The following PLK5 variants were observed in gnomAD, a reference collection of about 807,000 sequenced individuals.
PLK5 encodes the protein inactive serine/threonine-protein kinase PLK5.
In PLK5, 28 loss-of-function variants were observed where a neutral mutation model predicts 33.7. The ratio of observed to expected loss-of-function variants is 0.83; its 90% CI spans 0.62 to 1.14. PLK5 has a LOEUF of 1.14. PLK5 is among the 50% of genes most tolerant of loss of function. The pLI, the probability that PLK5 is intolerant of heterozygous loss-of-function variation, is 0.00. For synonymous variants in PLK5, 225 were observed against 202.2 expected (o/e 1.11, Z -0.96); for missense variants, 492 against 461.5 (o/e 1.07, Z -0.61).
chr19:1,528,883 T>C lies in PLK5; in HGVS notation c.329-15T>C, dbSNP rs1194622669. ...CCCAGGCTGTGCCCCCTCCAAGGCCTTGTGCCTCCCTCAGGCCCCTTCACG... is the reference window on the plus strand; with the variant it reads ...CCCAGGCTGTGCCCCCTCCAAGGCCCTGTGCCTCCCTCAGGCCCCTTCACG... On this transcript the variant is annotated splice_polypyrimidine_tract_variant and intron_variant, in intron 8 of 13. Transcript: ENST00000454744. 2 of 1,495,692 alleles carry C rather than the reference T, an allele frequency of 1.3e-6. No individual in the cohort carries two copies. Among genetic ancestry groups the C allele is most frequent in the African/African-American group, 1.4e-5 (1 of 71,148 alleles). The allele number at this position is 1,495,692 out of a possible 1,614,324, so 92.7% of individuals were successfully genotyped here. A position where few individuals can be genotyped will look rare whatever the true frequency, so the allele number is the denominator to read the frequency against.
Position 1,535,224 on chromosome 19 carries a change from G to A in PLK5, c.985G>A (p.Ala329Thr), listed in dbSNP as rs1012935214. The change falls in exon 14 of 14, where the codon GCC (alanine) becomes ACC (threonine). Residue 329 changes from alanine to threonine, a missense_variant. Ala to Thr is a moderately conservative substitution (Grantham distance 58). Transcript: ENST00000454744. ...CACCACCGGACAGCACCTTCACCACGCCCTCCGCATGCTGCAGAGTATCTA... is the reference window on the plus strand; with the variant it reads ...CACCACCGGACAGCACCTTCACCACACCCTCCGCATGCTGCAGAGTATCTA... ...APTTGQHLHHALRMLQSI is the reference protein window; with the variant it reads ...APTTGQHLHHTLRMLQSI The A allele has an allele frequency of 9.8e-6, 15 of 1,535,696 alleles. No homozygotes were observed. Among genetic ancestry groups the A allele is most frequent in the African/African-American group, 2.7e-5 (2 of 72,972 alleles).
chr19:1,530,016 C>A (rs2668410), intron 11 of PLK5, among the ~76,000 whole-genome samples, 192 bp downstream of exon 11: 9 of 152,012 alleles, frequency 5.9e-5, no homozygotes, highest in African/African-American at 1.9e-4. Context: ...GAGGGCTCTG[C>A]GGCAGCCTTA....
In PLK5 at chr19:1,534,051, G is replaced by A. The variant is rs2145549307; in HGVS notation, c.825+10G>A. On this transcript the variant is annotated intron_variant, in intron 13 of 13. Transcript: ENST00000454744. ...CAATGGGATGGTGCAGGTGAGCCCG[G>A]GGCTCAAACTCGGGGCACTGGGGCT... 1 of 1,533,844 alleles carries A rather than the reference G, an allele frequency of 6.5e-7. No homozygotes were observed. Among genetic ancestry groups the A allele is most frequent in the Non-Finnish European group, 8.7e-7 (1 of 1,145,186 alleles).
intron 8 of PLK5, 33 bp downstream of exon 8, chr19:1,528,461 A>C: frequency 1.6e-5 from 23 of 1,465,890 alleles, no homozygotes; most frequent in Admixed American, 8.6e-5. Flanking sequence ...CCTGCCCAAC[A>C]CCTGCCCACG....
At chr19:1,527,881 G>A (rs1481578234) in intron 6 of PLK5, 55 bp from the exon 7 acceptor site, 1 of 1,490,698 alleles carries the variant, frequency 6.7e-7, no homozygotes, top group Non-Finnish European at 9.0e-7. Flanking sequence ...AAGTGTGCAG[G>A]GGTAGCTCTG....
chr19:1,526,664 A>C, intron 4 of PLK5, 40 bp from the exon 5 acceptor site: 1 of 392,994 alleles, frequency 2.5e-6, no homozygotes, highest in Admixed American at 4.1e-5. Flanking sequence ...GGAGGTGGGC[A>C]CGGATCCACC....
chr19:1,528,738 C>A (rs1913834109), intron 8 of PLK5, among the ~76,000 whole-genome samples, 160 bp from the exon 9 acceptor site: 1 of 150,890 alleles, frequency 6.6e-6, no homozygotes, highest in African/African-American at 2.5e-5. Context: ...CTGCCCCCAC[C>A]TGCCCACACC....
Position 1,536,030 on chromosome 19 carries a change from C to A in PLK5, c.*780C>A, listed in dbSNP as rs1362841148. Reference sequence around the variant, plus strand: ...CGGGACACAGTTGGCACAACCGTCACCTGTGCTGCCCTGGGGTGGACGGTG... The same window carrying A: ...CGGGACACAGTTGGCACAACCGTCAACTGTGCTGCCCTGGGGTGGACGGTG... On this transcript the variant is annotated 3_prime_UTR_variant, in exon 14 of 14. Coordinates refer to ENST00000454744, the MANE Select transcript of PLK5 (RefSeq NM_001243079.2). The A allele has an allele frequency of 6.6e-6, 1 of 152,358 alleles. No individual in the cohort carries two copies. Among genetic ancestry groups the A allele is most frequent in the East Asian group, 1.9e-4 (1 of 5,196 alleles). 9.4% of individuals were successfully genotyped at this position (152,358 alleles called of 1,614,324 possible).
In PLK5 at chr19:1,529,476, A is replaced by AGAGT; in HGVS notation, c.479_482dup (p.Asp161GlufsTer2). On this transcript the variant is annotated frameshift_variant, in exon 10 of 14. Coordinates refer to ENST00000454744, the MANE Select transcript of PLK5 (RefSeq NM_001243079.2). LOFTEE classifies it high-confidence loss of function. ...CACCTGGTCGCACAAGGGACCCTGCAGAGTGACCTGGCCGGTGAGCAGATC... is the reference window on the plus strand; with the variant it reads ...CACCTGGTCGCACAAGGGACCCTGCAGAGTGAGTGACCTGGCCGGTGAGCAGATC... The AGAGT allele has an allele frequency of 6.5e-7, 1 of 1,535,892 alleles. No homozygotes were observed. The highest frequency in any genetic ancestry group is 8.7e-7 in the Non-Finnish European group (1 of 1,146,746).
intron 2 of PLK5, 45 bp from the exon 3 acceptor site, chr19:1,525,550 C>T (rs1375538714): frequency 6.5e-6 from 1 of 152,674 alleles, no homozygotes; most frequent in Non-Finnish European, 1.5e-5. Flanking sequence ...ATCCTGCAGC[C>T]TGTGCCCCGC....
chr19:1,528,163 C>G, intron 7 of PLK5, 29 bp downstream of exon 7: 1 of 1,522,838 alleles, frequency 6.6e-7, no homozygotes, highest in Non-Finnish European at 8.8e-7. Flanking sequence ...CGTGGGGTCC[C>G]TGGCGTGGGG....
At chr19:1,529,558 C>T (rs1568253520) in intron 10 of PLK5, 68 bp downstream of exon 10, 1 of 1,479,206 alleles carries the variant, frequency 6.8e-7, no homozygotes, top group Non-Finnish European at 9.1e-7. Context: ...GACAGGGGGA[C>T]CAAGGCCGTG....
intron 12 of PLK5, chr19:1,533,656 T>C: frequency 1.8e-6 from 1 of 555,754 alleles, no homozygotes; most frequent in Non-Finnish European, 3.2e-6. Context: ...GGGGTGTAGG[T>C]CAATGGAAGG....
rs1041271779 is a variant in PLK5, at chr19:1,531,863, G to A, written c.694G>A (p.Gly232Ser). 1.3e-6 allele frequency: 2 copies of A among 1,502,622 alleles called. No homozygotes were observed. The highest frequency in any genetic ancestry group is 2.1e-5 in the Admixed American group (1 of 47,912). 93.1% of individuals were successfully genotyped at this position (1,502,622 alleles called of 1,614,324 possible). A position where few individuals can be genotyped will look rare whatever the true frequency, so the allele number is the denominator to read the frequency against. ...GGGGCGCACGGGACGGCACCCACAT[G>A]GCCCTGCGACCCCCCGGAGGGTAAG... The part of the protein sequence containing the change: ...DGGRTGRHPH[G>S]PATPRREGTL... The change falls in exon 12 of 14, where the codon GGC (glycine) becomes AGC (serine). Residue 232 changes from glycine (G) to serine (S), a missense_variant. Transcript: ENST00000454744.
intron 6 of PLK5, among the ~76,000 whole-genome samples, chr19:1,527,381 C>T (rs1248192106): frequency 1.3e-5 from 2 of 152,038 alleles, no homozygotes; most frequent in African/African-American, 2.4e-5. Context: ...GCAGGAGGAT[C>T]GCTTGAGCCC....
rs1486891839 is a variant in PLK5 at position 1,529,425 on chromosome 19, AG to A, written c.427del (p.Val143PhefsTer44). On this transcript the variant is annotated frameshift_variant, in exon 10 of 14. Transcript: ENST00000454744. LOFTEE classifies it high-confidence loss of function. ...CCTCAGAGCTCCCTGTCTGCGAAAG[AG>A]GTTCCCTGCCTGGAAGGCCCCATCC... is the stretch of plus-strand genomic sequence containing the variant. ...WDGESSLSAK[E>X]VPCLEGPIHL... 2.0e-5 allele frequency: 31 copies of A among 1,535,946 alleles called. No individual in the cohort carries two copies. Among genetic ancestry groups the A allele is most frequent in the Non-Finnish European group, 2.7e-5 (31 of 1,146,856 alleles).
Position 1,528,013 on chromosome 19 carries a change from A to T in PLK5, c.80A>T (p.His27Leu). ...SEMYQNIREG[H>L]YPEPAHLSAN... Reference sequence around the variant, plus strand: ...ATGTACCAAAACATCCGTGAGGGCCACTACCCCGAACCCGCTCACCTGTCT... The same window carrying T: ...ATGTACCAAAACATCCGTGAGGGCCTCTACCCCGAACCCGCTCACCTGTCT... The change falls in exon 7 of 14, where the codon CAC (histidine) becomes CTC (leucine). Residue 27 changes from histidine to leucine, a missense_variant. By Grantham distance (99) the His-to-Leu change is moderately conservative (BLOSUM62 -3). Transcript: ENST00000454744. 6.5e-7 allele frequency: 1 copy of T among 1,536,068 alleles called. No individual in the cohort carries two copies. The highest frequency in any genetic ancestry group is 8.7e-7 in the Non-Finnish European group (1 of 1,146,862).
chr19:1,527,944 T>G lies in PLK5; in HGVS notation c.11T>G (p.Val4Gly), dbSNP rs1015075436. 8 of 1,533,008 alleles carry G rather than the reference T, an allele frequency of 5.2e-6. No individual in the cohort carries two copies. In the African/African-American group the frequency reaches 1.1e-4, roughly 21 times the overall value. The allele number at this position is 1,533,008 out of a possible 1,614,324, so 95.0% of individuals were successfully genotyped here. Reference sequence around the variant, plus strand: ...CCCCCCACCTGGCCCAGGTACACGGTGCTGACTGGCACCCCACCCTTCATG... The same window carrying G: ...CCCCCCACCTGGCCCAGGTACACGGGGCTGACTGGCACCCCACCCTTCATG... MYT[V>G]LTGTPPFMAS... Residue 4 changes from valine (V) to glycine (G), a missense_variant, in exon 7 of 14, where the codon GTG (valine) becomes GGG (glycine). Val to Gly is a moderately radical substitution (Grantham distance 109, BLOSUM62 -3). Coordinates refer to ENST00000454744, the MANE Select transcript of PLK5 (RefSeq NM_001243079.2).
intron 7 of PLK5, 24 bp downstream of exon 7, chr19:1,528,158 G>T (rs1223718408): frequency 3.3e-6 from 5 of 1,523,080 alleles, no homozygotes; most frequent in Non-Finnish European, 4.4e-6. Flanking sequence ...CTCGGCGTGG[G>T]GTCCCTGGCG....
Sources: allele counts gnomAD v4.1 joint callset (sites outside exome capture counted in the v4.1 genomes callset), GRCh38; gene constraint gnomAD v4.1.1; transcripts MANE v1.5; gene names NCBI Gene and HGNC (gene_info 2026-07-23, HGNC 2026-07-21).